The following NAV3 variants were observed in gnomAD, a reference collection of about 807,000 sequenced individuals.
The protein encoded by NAV3 is pore membrane and/or filament interacting like protein 1.
NAV3 carries 87 observed loss-of-function variants against 244.7 expected under a neutral mutation model. That is an observed-to-expected ratio of 0.36 (90% CI 0.30 to 0.42). The LOEUF is 0.42. Ranked by LOEUF, NAV3 falls within the 20% of genes least tolerant of loss-of-function variation. The pLI is 1.00. For synonymous variants in NAV3, 1,126 were observed against 1,042.2 expected, an observed-to-expected ratio of 1.08 and a Z score of -1.55; for missense variants, 2,663 against 2,893.3, an observed-to-expected ratio of 0.92 and a Z score of 1.83.
Position 77,998,494 on chromosome 12 carries a change from C to G in NAV3, c.880+18C>G, listed in dbSNP as rs532173821. 6.3e-7 allele frequency: 1 copy of G among 1,584,802 alleles called. No homozygotes were observed. The highest frequency in any genetic ancestry group is 1.8e-5 in the Admixed American group (1 of 54,060). On this transcript the variant is annotated intron_variant, in intron 7 of 39. Transcript: ENST00000397909. ...CGAAAAAGGTAAGTGTTTGTTACAT[C>G]ATTATGACACAAGTCCAACATGAGT...
chr12:77,762,963 G>A (rs1305725128), intron 2 of NAV3, among the ~76,000 whole-genome samples: 3 of 152,174 alleles, frequency 2.0e-5, no homozygotes, highest in Non-Finnish European at 4.4e-5. Context: ...CACAGAGTAT[G>A]GAGGGAAATG....
In NAV3 at chr12:77,938,547, T is replaced by C. The variant is rs545904910; in HGVS notation, c.244-1772T>C. On this transcript the variant is annotated intron_variant, in intron 1 of 39. Coordinates refer to ENST00000397909, the MANE Select transcript of NAV3 (RefSeq NM_001024383.2). ...CACCAGATATGTACTAGTCTTATGA[T>C]GCCAGTAGGACTACTTTGTATTTTC... Among the ~76,000 whole-genome samples, 14 of 152,294 alleles carry C rather than the reference T, an allele frequency of 9.2e-5. No individual in the cohort carries two copies. The South Asian group carries it at 2.9e-3, about 32-fold the overall frequency.
intron 31 of NAV3, among the ~76,000 whole-genome samples, chr12:78,187,399 C>A (rs1958770381): frequency 6.6e-6 from 1 of 151,734 alleles, no homozygotes; most frequent in Non-Finnish European, 1.5e-5. Context: ...GTGACTAGAA[C>A]CAGGATTATA....
At chr12:77,838,321 C>G (rs921670813) in intron 1 of NAV3, among the ~76,000 whole-genome samples, 5 of 152,084 alleles carry the variant, frequency 3.3e-5, no homozygotes, top group African/African-American at 1.2e-4. Flanking sequence ...ATTTATTGCT[C>G]TTGAGTAACA....
chr12:77,771,878 A>C (rs1032534138), intron 2 of NAV3, among the ~76,000 whole-genome samples: 2 of 152,134 alleles, frequency 1.3e-5, no homozygotes, highest in African/African-American at 4.8e-5. Flanking sequence ...AAACCTGCAC[A>C]TTGTGCACAT....
chr12:78,021,046 A>C (rs946716105), intron 8 of NAV3, among the ~76,000 whole-genome samples: 1 of 152,216 alleles, frequency 6.6e-6, no homozygotes, highest in Non-Finnish European at 1.5e-5. Flanking sequence ...TTACCCATGC[A>C]TAAAGGGAAG....
At chr12:77,657,636 C>A (rs541434882) in intron 2 of NAV3, among the ~76,000 whole-genome samples, 1 of 152,084 alleles carries the variant, frequency 6.6e-6, no homozygotes, top group African/African-American at 2.4e-5. Flanking sequence ...ATACCAAAGC[C>A]GGGCAGAGAT....
At chr12:77,836,860 A>T (rs949503672) in intron 1 of NAV3, among the ~76,000 whole-genome samples, 2 of 152,130 alleles carry the variant, frequency 1.3e-5, no homozygotes, top group African/African-American at 4.8e-5. Flanking sequence ...AGAGGCGTTT[A>T]TGTCCATGGT....
chr12:78,117,820 TTGG>T (rs368427561), intron 13 of NAV3, among the ~76,000 whole-genome samples: 14 of 152,278 alleles, frequency 9.2e-5, no homozygotes, highest in African/African-American at 3.4e-4. Flanking sequence ...TAGCGTTTAA[TTGG>T]TGTTTTCTGC....
chr12:77,929,837 T>C (rs1593029354), intron 1 of NAV3, among the ~76,000 whole-genome samples: 2 of 120,898 alleles, frequency 1.7e-5, no homozygotes, highest in African/African-American at 6.1e-5. Flanking sequence ...TTAGTAGCAA[T>C]GAGGTTTCAC....
chr12:77,883,461 G>T (rs1375492858), intron 1 of NAV3, among the ~76,000 whole-genome samples: 3 of 151,944 alleles, frequency 2.0e-5, no homozygotes, highest in Non-Finnish European at 4.4e-5. Context: ...AAAGAGGAGG[G>T]CAAGGGCTGA....
At chr12:78,139,427 G>T (rs900623709) in intron 19 of NAV3, among the ~76,000 whole-genome samples, 1 of 152,022 alleles carries the variant, frequency 6.6e-6, no homozygotes, top group Non-Finnish European at 1.5e-5. Context: ...GAGCTTTTGG[G>T]ATTTTATCTT....
At chr12:78,196,107 A>G (rs1382392951) in intron 34 of NAV3, among the ~76,000 whole-genome samples, 1 of 152,044 alleles carries the variant, frequency 6.6e-6, no homozygotes, top group African/African-American at 2.4e-5. Flanking sequence ...AGTGACATAA[A>G]TTTTATTTTT....
At chr12:77,627,224 C>A (rs899538900) in intron 2 of NAV3, among the ~76,000 whole-genome samples, 2 of 151,936 alleles carry the variant, frequency 1.3e-5, no homozygotes, top group African/African-American at 4.8e-5. Flanking sequence ...AAAACAAAAG[C>A]GTGCAGGAAC....
chr12:78,138,123 A>C (rs1401006889), intron 19 of NAV3, among the ~76,000 whole-genome samples: 1 of 152,154 alleles, frequency 6.6e-6, no homozygotes, highest in Non-Finnish European at 1.5e-5. Flanking sequence ...TAAGGATAAA[A>C]TAAAACTAGA....
intron 2 of NAV3, among the ~76,000 whole-genome samples, chr12:77,618,474 C>T (rs948956408): frequency 4.6e-5 from 7 of 151,810 alleles, no homozygotes; most frequent in Non-Finnish European, 1.0e-4. Context: ...ATGCAATATT[C>T]GATTGAAAAA....
intron 12 of NAV3, chr12:78,091,636 A>T (rs1953940676): frequency 6.6e-6 from 1 of 151,084 alleles, no homozygotes; most frequent in Admixed American, 6.6e-5. Flanking sequence ...CTCTACTAAA[A>T]ATACAAAAAA....
intron 9 of NAV3, among the ~76,000 whole-genome samples, chr12:78,041,693 T>C (rs1260658060): frequency 6.6e-6 from 1 of 152,172 alleles, no homozygotes. Context: ...ATGAATGCTA[T>C]GGCCAAGAGA....
chr12:78,022,463 T>A (rs1324284714), intron 9 of NAV3, among the ~76,000 whole-genome samples: 2 of 152,056 alleles, frequency 1.3e-5, no homozygotes, highest in Non-Finnish European at 2.9e-5. Context: ...TATAGATCTA[T>A]ATTCGTGAGG....
Sources: gnomAD v4.1 joint callset for allele counts (sites outside exome capture counted in the v4.1 genomes callset) on GRCh38, gnomAD v4.1.1 for gene constraint, MANE v1.5 for transcripts, NCBI Gene and HGNC (gene_info 2026-07-23, HGNC 2026-07-21) for gene names.